The following CNOT8 variants were observed in gnomAD, a reference collection of about 807,000 sequenced individuals.
CNOT8 encodes CCR4-NOT transcription complex subunit 8.
A neutral mutation model predicts 34.6 loss-of-function variants in CNOT8; 18 were observed. The ratio of observed to expected loss-of-function variants is 0.52; its 90% CI spans 0.36 to 0.77. CNOT8 has a LOEUF of 0.77. CNOT8 is among the 30% of genes least tolerant of loss of function. The probability of loss-of-function intolerance (pLI) is 0.00; values close to 1 mark genes in which losing one functional copy is unlikely to be tolerated. For missense variants in CNOT8, 189 were observed against 347.9 expected (o/e 0.54, Z 3.63); for synonymous variants, 101 against 118.8 (o/e 0.85, Z 0.98).
intron 3 of CNOT8, among the ~76,000 whole-genome samples, chr5:154,866,401 G>A (rs1761879375): frequency 1.3e-5 from 2 of 152,196 alleles, no homozygotes; most frequent in South Asian, 2.1e-4. Flanking sequence ...CATTGTTCCT[G>A]GAAGGAGTAA....
intron 3 of CNOT8, among the ~76,000 whole-genome samples, chr5:154,870,214 TTGTTTG>T (rs1253944051): frequency 6.7e-6 from 1 of 149,828 alleles, no homozygotes; most frequent in African/African-American, 2.5e-5. Flanking sequence ...TGGCTAATCT[TTGTTTG>T]TGTGTGTGTG....
Position 154,875,511 on chromosome 5 carries a change from C to T in CNOT8, c.*72C>T, listed in dbSNP as rs1415208555. The T allele has an allele frequency of 1.3e-6, 2 of 1,537,980 alleles. No individual in the cohort carries two copies. Among genetic ancestry groups the T allele is most frequent in the African/African-American group, 2.7e-5 (2 of 73,236 alleles). Reference sequence around the variant, plus strand: ...CTGTGCTGACTGTGTACTTATCTTCCCCAAGAGAAAATGCTTCTTTTGAGC... The same window carrying T: ...CTGTGCTGACTGTGTACTTATCTTCTCCAAGAGAAAATGCTTCTTTTGAGC... On this transcript the variant is annotated 3_prime_UTR_variant, in exon 7 of 7. Transcript: ENST00000285896.
intron 2 of CNOT8, among the ~76,000 whole-genome samples, chr5:154,864,846 C>G (rs1761712319): frequency 6.6e-6 from 1 of 152,080 alleles, no homozygotes; most frequent in African/African-American, 2.4e-5. Context: ...TTGAGACCAG[C>G]CTGGGCAACA....
At chr5:154,868,222 C>T in intron 3 of CNOT8, among the ~76,000 whole-genome samples, 1 of 151,154 alleles carries the variant, frequency 6.6e-6, no homozygotes, top group East Asian at 2.0e-4. Context: ...CAGGCATGAG[C>T]CACCATGCCC....
At chr5:154,862,344 C>T (rs897245607) in intron 1 of CNOT8, among the ~76,000 whole-genome samples, 1 of 152,054 alleles carries the variant, frequency 6.6e-6, no homozygotes, top group Admixed American at 6.5e-5. Context: ...GTGGCGTGCA[C>T]CTATAGTCCC....
intron 5 of CNOT8, 22 bp downstream of exon 5, chr5:154,871,896 A>G (rs1762512295): frequency 1.9e-6 from 3 of 1,593,888 alleles, no homozygotes; most frequent in Non-Finnish European, 2.6e-6. Flanking sequence ...TTTTCTTAAT[A>G]CCAGTAACAA....
chr5:154,863,777 T>A (rs1286874996), intron 2 of CNOT8, among the ~76,000 whole-genome samples: 2 of 152,244 alleles, frequency 1.3e-5, no homozygotes, highest in Non-Finnish European at 2.9e-5. Flanking sequence ...AGATTTTTTA[T>A]AACATTATTC....
intron 4 of CNOT8, among the ~76,000 whole-genome samples, chr5:154,871,397 A>G (rs535733618): frequency 1.2e-4 from 19 of 152,136 alleles, no homozygotes; most frequent in Admixed American, 7.9e-4. Flanking sequence ...TGTCTTTACT[A>G]AAAATACAAA....
intron 1 of CNOT8, among the ~76,000 whole-genome samples, chr5:154,858,984 T>A (rs1424751632): frequency 6.6e-6 from 1 of 152,164 alleles, no homozygotes; most frequent in Non-Finnish European, 1.5e-5. Context: ...GCATCTCATA[T>A]GCTTCATTTT....
At position 154,875,444 on chromosome 5, in the gene CNOT8, G is replaced by A. The variant is rs748492949; in HGVS notation, c.*5G>A. 6 of 1,612,802 alleles carry A rather than the reference G, an allele frequency of 3.7e-6. No individual in the cohort carries two copies. The highest frequency in any genetic ancestry group is 2.2e-5 in the East Asian group (1 of 44,892). On this transcript the variant is annotated 3_prime_UTR_variant, in exon 7 of 7. Coordinates refer to ENST00000285896, the MANE Select transcript of CNOT8 (RefSeq NM_001301073.2). ...ATCAACAACATGCAGCAGTGATGGC[G>A]CCAGGCTCTGCAGGGTGGGCCTGAT... is the stretch of plus-strand genomic sequence containing the variant.
At chr5:154,861,601 T>A (rs1285994296) in intron 1 of CNOT8, among the ~76,000 whole-genome samples, 1 of 152,248 alleles carries the variant, frequency 6.6e-6, no homozygotes. Flanking sequence ...TTCTAGGAAA[T>A]TTTCTTTAAA....
chr5:154,860,777 G>C (rs1761256351), intron 1 of CNOT8, among the ~76,000 whole-genome samples: 1 of 152,078 alleles, frequency 6.6e-6, no homozygotes, highest in Non-Finnish European at 1.5e-5. Flanking sequence ...GCTAACTTTG[G>C]AGCAAAAATG....
At position 154,875,358 on chromosome 5, in the gene CNOT8, G is replaced by C. The variant is rs34488733; in HGVS notation, c.798G>C (p.Val266=). The C allele has an allele frequency of 3.3e-4, 536 of 1,614,156 alleles. 1 individual carries two copies. The African/African-American group carries it at 6.3e-3, about 19-fold the overall frequency. Residue 266 remains valine (V), a synonymous_variant, in exon 7 of 7, where the codon GTG becomes GTC. Coordinates refer to ENST00000285896, the MANE Select transcript of CNOT8 (RefSeq NM_001301073.2). ...CGRLYGLGTG[V]AQKQNEDVDS... ...GGCTCTATGGCTTAGGCACAGGAGTGGCCCAGAAGCAGAATGAGGATGTGG... is the reference window on the plus strand; with the variant it reads ...GGCTCTATGGCTTAGGCACAGGAGTCGCCCAGAAGCAGAATGAGGATGTGG...
In CNOT8 at chr5:154,870,831, T is replaced by C. The variant is rs1463146643; in HGVS notation, c.473+9T>C. 3 of 1,599,930 alleles carry C rather than the reference T, an allele frequency of 1.9e-6. No individual in the cohort carries two copies. The African/African-American group carries it at 4.0e-5, about 22-fold the overall frequency. ...TGGCTTTCATTTCATAGGTCAGTCC[T>C]AGGGAATGTGTATTTCTCTCTCACT... is the stretch of plus-strand genomic sequence containing the variant. On this transcript the variant is annotated intron_variant, in intron 4 of 6. Coordinates refer to ENST00000285896, the MANE Select transcript of CNOT8 (RefSeq NM_001301073.2).
chr5:154,875,251 A>G (rs1762840691), intron 6 of CNOT8, 39 bp from the exon 7 acceptor site: 1 of 1,607,614 alleles, frequency 6.2e-7, no homozygotes, highest in Non-Finnish European at 8.5e-7. Context: ...CATGACTTCT[A>G]GCATAACTCT....
intron 3 of CNOT8, among the ~76,000 whole-genome samples, chr5:154,869,108 AT>A (rs1762205864): frequency 6.6e-6 from 1 of 150,684 alleles, no homozygotes; most frequent in Admixed American, 6.6e-5. Flanking sequence ...GTGCCTCAAT[AT>A]TTTTTTGTTG....
At position 154,869,865 on chromosome 5, in the gene CNOT8, C is replaced by T. The variant is rs189052919; in HGVS notation, c.312-796C>T. On this transcript the variant is annotated intron_variant, in intron 3 of 6. Transcript: ENST00000285896. ...GTCTTGATCTCTTGACCTCGTGATCCGCCCACCTTGGCCTCCCAAATTTCT... is the reference window on the plus strand; with the variant it reads ...GTCTTGATCTCTTGACCTCGTGATCTGCCCACCTTGGCCTCCCAAATTTCT... Among the ~76,000 whole-genome samples, 437 of 152,150 alleles carry T rather than the reference C, an allele frequency of 2.9e-3. 2 individuals carry two copies. The highest frequency in any genetic ancestry group is 0.01 in the African/African-American group (424 of 41,518).
intron 6 of CNOT8, among the ~76,000 whole-genome samples, chr5:154,874,628 G>A (rs890651240): frequency 1.3e-5 from 2 of 152,032 alleles, no homozygotes; most frequent in South Asian, 4.1e-4. Context: ...TCTGCCTCTC[G>A]GGTTCAAACA....
At chr5:154,873,968 T>G (rs1265185507) in intron 6 of CNOT8, among the ~76,000 whole-genome samples, 2 of 152,184 alleles carry the variant, frequency 1.3e-5, no homozygotes, top group Non-Finnish European at 2.9e-5. Context: ...ACCCCAGTAG[T>G]GCCACAGTGG....
Sources: allele counts gnomAD v4.1 joint callset (sites outside exome capture counted in the v4.1 genomes callset), GRCh38; gene constraint gnomAD v4.1.1; transcripts MANE v1.5; gene names NCBI Gene and HGNC (gene_info 2026-07-23, HGNC 2026-07-21).